Variants in TMEM243 observed in about 807,000 individuals in gnomAD.
The protein encoded by TMEM243 is transmembrane protein 243, also known as MDR1 and mitochondrial taxol resistance associated.
In TMEM243, 20 loss-of-function variants were observed where a neutral mutation model predicts 15.0. The observed-to-expected ratio is 1.33, with a 90% confidence interval of 0.94 to 1.93. TMEM243 has a LOEUF of 1.93. Ranked by LOEUF, TMEM243 falls within the 30% of genes most tolerant of loss-of-function variation. The pLI, the probability that TMEM243 is intolerant of heterozygous loss-of-function variation, is 0.00. For missense variants in TMEM243, 156 were observed against 142.1 expected, an observed-to-expected ratio of 1.10 and a Z score of -0.50; for synonymous variants, 72 against 52.7, an observed-to-expected ratio of 1.37 and a Z score of -1.59.
chr7:87,200,942 T>C (rs1381920418), intron 1 of TMEM243, among the ~76,000 whole-genome samples: 1 of 152,214 alleles, frequency 6.6e-6, no homozygotes, highest in African/African-American at 2.4e-5. Context: ...AAGAATGATT[T>C]CCTCATGGGT....
intron 1 of TMEM243, among the ~76,000 whole-genome samples, chr7:87,215,970 T>C (rs1803083846): frequency 6.6e-6 from 1 of 152,020 alleles, no homozygotes. Flanking sequence ...AAGCCCCATC[T>C]CTACAACAAA....
chr7:87,219,693 C>T lies in TMEM243; in HGVS notation c.-190G>A. The stretch of plus-strand genomic sequence containing the variant: ...GGGAACGCGACTGCTCCGCCCCGGC[C>T]CCGCGCACCTCCTCATCTTGAGCAG... On this transcript the variant is annotated 5_prime_UTR_variant, in exon 1 of 4. Coordinates refer to ENST00000257637, the MANE Select transcript of TMEM243 (RefSeq NM_024315.4). 1 of 596,620 alleles carries T rather than the reference C, an allele frequency of 1.7e-6. No individual in the cohort carries two copies. The highest frequency in any genetic ancestry group is 3.0e-6 in the Non-Finnish European group (1 of 335,824). 37.0% of individuals were successfully genotyped at this position (596,620 alleles called of 1,614,324 possible).
chr7:87,196,742 TGTC>T lies in TMEM243; in HGVS notation c.248_250del (p.Arg83del). On this transcript the variant is annotated inframe_deletion, in exon 4 of 4. Coordinates refer to ENST00000257637, the MANE Select transcript of TMEM243 (RefSeq NM_024315.4). ...TCTAAATTTCGGTTCTAAGTCTCCT[TGTC>T]GATACCAGTAGATCTAAAAGAAGAA... is the stretch of plus-strand genomic sequence containing the variant. The T allele has an allele frequency of 1.3e-6, 2 of 1,577,846 alleles. No homozygotes were observed. The highest frequency in any genetic ancestry group is 1.7e-6 in the Non-Finnish European group (2 of 1,153,514).
chr7:87,205,884 G>A (rs191189313), intron 1 of TMEM243, among the ~76,000 whole-genome samples: 41 of 152,086 alleles, frequency 2.7e-4, no homozygotes, highest in African/African-American at 7.5e-4. Context: ...CCACATTCTC[G>A]GGTATCTTTA....
At chr7:87,211,550 T>C (rs770658844) in intron 1 of TMEM243, among the ~76,000 whole-genome samples, 3 of 152,226 alleles carry the variant, frequency 2.0e-5, no homozygotes, top group Admixed American at 6.5e-5. Context: ...TTTGCTTCTC[T>C]TCTTCCAAAT....
chr7:87,196,408 T>G lies in TMEM243; in HGVS notation c.*228A>C, dbSNP rs756735615. The G allele has an allele frequency of 1.4e-4, 57 of 404,266 alleles. No individual in the cohort carries two copies. The highest frequency in any genetic ancestry group is 4.9e-4 in the Middle Eastern group (1 of 2,022). 25.0% of individuals were successfully genotyped at this position (404,266 alleles called of 1,614,324 possible). A position where few individuals can be genotyped will look rare whatever the true frequency, so the allele number is the denominator to read the frequency against. On this transcript the variant is annotated 3_prime_UTR_variant, in exon 4 of 4. Coordinates refer to ENST00000257637, the MANE Select transcript of TMEM243 (RefSeq NM_024315.4). ...AAAAGTGAAATTTTTTTGTGCTGTTTTAGCTTTAAGGGTTGGAATGTTTAG... is the reference window on the plus strand; with the variant it reads ...AAAAGTGAAATTTTTTTGTGCTGTTGTAGCTTTAAGGGTTGGAATGTTTAG...
intron 1 of TMEM243, among the ~76,000 whole-genome samples, chr7:87,209,711 C>CGAGACACAGTGAGAGA (rs1802549718): frequency 1.0e-5 from 1 of 99,186 alleles, no homozygotes; most frequent in Non-Finnish European, 2.0e-5. Context: ...ACAGTGAGAG[C>CGAGACACAGTGAGAGA]GAGACACAGT....
At chr7:87,204,969 C>T (rs1274392876) in intron 1 of TMEM243, among the ~76,000 whole-genome samples, 1 of 152,248 alleles carries the variant, frequency 6.6e-6, no homozygotes, top group African/African-American at 2.4e-5. Context: ...TCTGTATGTC[C>T]TCTAAAATCT....
chr7:87,200,220 A>G (rs146680762), intron 1 of TMEM243, among the ~76,000 whole-genome samples: 1 of 152,314 alleles, frequency 6.6e-6, no homozygotes, highest in East Asian at 1.9e-4. Flanking sequence ...AGGCCACTGC[A>G]ACTGAAAGGT....
chr7:87,198,337 TGGTAAAAGTTC>T (rs1177683538), intron 2 of TMEM243: 3 of 309,084 alleles, frequency 9.7e-6, no homozygotes, highest in African/African-American at 2.2e-5. Context: ...ATGATTCTGC[TGGTAAAAGTTC>T]TAGCCATTTT....
intron 1 of TMEM243, chr7:87,218,711 C>G (rs1471504372): frequency 6.6e-6 from 1 of 152,134 alleles, no homozygotes; most frequent in South Asian, 2.1e-4. Context: ...CTGGGACCAG[C>G]CAACCAATGC....
At chr7:87,203,820 G>A (rs1802001752) in intron 1 of TMEM243, among the ~76,000 whole-genome samples, 1 of 151,946 alleles carries the variant, frequency 6.6e-6, no homozygotes, top group Admixed American at 6.6e-5. Context: ...AGAAAATATA[G>A]ATAATTCATA....
rs141638434 is a variant in TMEM243 at position 87,216,086 on chromosome 7, C to T, written c.78+3340G>A. ...GAGATCGAGACCATCCTGGCTAACA[C>T]GGTGAAACCCCCATCTCAACTAAAA... is the stretch of plus-strand genomic sequence containing the variant. On this transcript the variant is annotated intron_variant, in intron 1 of 3. Transcript: ENST00000257637. Among the ~76,000 whole-genome samples the T allele has an allele frequency of 9.9e-3, 1,508 of 151,966 alleles. 21 individuals are homozygous for T. Among genetic ancestry groups the T allele is most frequent in the African/African-American group, 0.034 (1,423 of 41,446 alleles).
At chr7:87,215,056 C>T (rs546905775) in intron 1 of TMEM243, among the ~76,000 whole-genome samples, 49 of 152,254 alleles carry the variant, frequency 3.2e-4, no homozygotes, top group African/African-American at 1.1e-3. Context: ...ACTAGCCATA[C>T]GTGGTAACTG....
chr7:87,211,725 C>G (rs1584546271), intron 1 of TMEM243, among the ~76,000 whole-genome samples: 2 of 152,326 alleles, frequency 1.3e-5, no homozygotes, highest in East Asian at 3.9e-4. Context: ...ATGGGTCCCT[C>G]AGAGCAGCAT....
upstream of TMEM243, among the ~76,000 whole-genome samples, chr7:87,219,914 A>G (rs1030789437): frequency 1.4e-4 from 21 of 152,156 alleles, no homozygotes; most frequent in African/African-American, 4.1e-4. Context: ...TCGCCCCGGG[A>G]GAGACTCCCA....
At chr7:87,198,476 T>C (rs564178326) in intron 2 of TMEM243, 1 of 167,864 alleles carries the variant, frequency 6.0e-6, no homozygotes, top group East Asian at 1.8e-4. Flanking sequence ...AGATGCAGCA[T>C]TATATGCAAT....
chr7:87,206,437 T>C (rs909389822), intron 1 of TMEM243, among the ~76,000 whole-genome samples: 4 of 152,240 alleles, frequency 2.6e-5, no homozygotes, highest in African/African-American at 9.6e-5. Context: ...AAAGACAGTC[T>C]ACAAGTAGTC....
intron 1 of TMEM243, among the ~76,000 whole-genome samples, chr7:87,210,265 AAGG>A (rs1209282514): frequency 6.6e-6 from 1 of 152,076 alleles, no homozygotes. Context: ...AGATTTGGGT[AAGG>A]ACACAGCCAA....
Sources: allele counts gnomAD v4.1 joint callset (sites outside exome capture counted in the v4.1 genomes callset), GRCh38; gene constraint gnomAD v4.1.1; transcripts MANE v1.5; gene names NCBI Gene and HGNC (gene_info 2026-07-23, HGNC 2026-07-21).